Variants in GLIS3 observed in about 807,000 individuals in gnomAD.
GLIS3 encodes zinc finger protein GLIS3.
In GLIS3, 53 loss-of-function variants were observed where a neutral mutation model predicts 78.6. The observed-to-expected ratio is 0.67, with a 90% CI of 0.54 to 0.85. The LOEUF is 0.85. GLIS3 is among the 40% of genes least tolerant of loss of function. The pLI is 0.00. For synonymous variants in GLIS3, 684 were observed against 509.9 expected, an observed-to-expected ratio of 1.34 and a Z score of -4.60; for missense variants, 1,703 against 1,231.1, an observed-to-expected ratio of 1.38 and a Z score of -5.74.
chr9:4,267,631 C>G (rs1826133413), intron 2 of GLIS3, among the ~76,000 whole-genome samples: 1 of 152,160 alleles, frequency 6.6e-6, no homozygotes, highest in African/African-American at 2.4e-5. Context: ...GCTAACTCAT[C>G]CTGAAAATCA....
chr9:4,048,227 A>G (rs1825415344), intron 4 of GLIS3, among the ~76,000 whole-genome samples: 1 of 152,206 alleles, frequency 6.6e-6, no homozygotes, highest in Admixed American at 6.5e-5. Flanking sequence ...ATAATGCAAC[A>G]TTTAAATGAA....
the GLIS3 span, among the ~76,000 whole-genome samples, chr9:4,448,017 G>C: frequency 4.5e-4 from 68 of 152,250 alleles, no homozygotes; most frequent in Admixed American, 2.5e-3. Context: ...TTCCCGAAGA[G>C]TTGAGATTAC....
upstream of GLIS3, among the ~76,000 whole-genome samples, chr9:4,349,569 C>A (rs988834340): frequency 3.3e-5 from 5 of 151,946 alleles, no homozygotes; most frequent in Admixed American, 6.6e-5. Context: ...AAATACCTAA[C>A]AAAACTTTGT....
intron 2 of GLIS3, among the ~76,000 whole-genome samples, chr9:4,153,393 GTC>G (rs1834825766): frequency 6.6e-6 from 1 of 152,126 alleles, no homozygotes; most frequent in African/African-American, 2.4e-5. Flanking sequence ...TTGAAACCCT[GTC>G]TCCACTAAAA....
At chr9:3,829,097 G>T (rs1482984333) in intron 10 of GLIS3, among the ~76,000 whole-genome samples, 1 of 152,136 alleles carries the variant, frequency 6.6e-6, no homozygotes, top group Non-Finnish European at 1.5e-5. Context: ...GTCTGGGAGA[G>T]ACATGATGGC....
chr9:4,120,181 T>A (rs551566812), intron 3 of GLIS3, among the ~76,000 whole-genome samples: 1 of 152,204 alleles, frequency 6.6e-6, no homozygotes, highest in Non-Finnish European at 1.5e-5. Context: ...AGCATTTTCA[T>A]CCCACCTGTT....
chr9:3,917,966 G>A lies in GLIS3; in HGVS notation c.1983+14394C>T, dbSNP rs1186846031. On this transcript the variant is annotated intron_variant, in intron 6 of 10. Coordinates refer to ENST00000381971, the MANE Select transcript of GLIS3 (RefSeq NM_001042413.2). ...ATTGGCGGCAATTTTATGCTTTCTA[G>A]AAGGCTAGTGCTAAGAATAATTTCA... 2.0e-5 allele frequency among the ~76,000 whole-genome samples: 3 copies of A among 152,166 alleles called. No individual in the cohort carries two copies. In the East Asian group the frequency reaches 5.8e-4, roughly 29 times the overall value.
At chr9:4,396,464 T>A in the GLIS3 span, among the ~76,000 whole-genome samples, 1 of 152,192 alleles carries the variant, frequency 6.6e-6, no homozygotes, top group African/African-American at 2.4e-5. Flanking sequence ...AAACATTTCA[T>A]CATCCTCTAA....
chr9:4,220,974 G>T (rs1284887084), intron 2 of GLIS3, among the ~76,000 whole-genome samples: 1 of 152,092 alleles, frequency 6.6e-6, no homozygotes, highest in Admixed American at 6.6e-5. Context: ...TACACAGCAA[G>T]ACCCTGTCTC....
intron 2 of GLIS3, among the ~76,000 whole-genome samples, chr9:4,321,154 C>G (rs1300638106): frequency 6.6e-6 from 1 of 151,482 alleles, no homozygotes; most frequent in Non-Finnish European, 1.5e-5. Flanking sequence ...GGCGCGGTGG[C>G]TCACGCCTGT....
chr9:3,866,578 G>A (rs911162293), intron 8 of GLIS3, among the ~76,000 whole-genome samples: 1 of 152,228 alleles, frequency 6.6e-6, no homozygotes, highest in African/African-American at 2.4e-5. Flanking sequence ...GTGAGGTTCT[G>A]ATGAGAGTGG....
At chr9:4,273,190 G>C (rs1267485701) in intron 2 of GLIS3, among the ~76,000 whole-genome samples, 1 of 152,102 alleles carries the variant, frequency 6.6e-6, no homozygotes. Flanking sequence ...ATGCAGCAAG[G>C]CCTTCTTGTG....
chr9:4,192,716 G>C (rs1347063339), intron 2 of GLIS3, among the ~76,000 whole-genome samples: 1 of 151,174 alleles, frequency 6.6e-6, no homozygotes. Flanking sequence ...GAAATGATAA[G>C]AACACAGAAT....
chr9:4,258,888 C>T (rs1003040200), intron 2 of GLIS3, among the ~76,000 whole-genome samples: 6 of 152,198 alleles, frequency 3.9e-5, no homozygotes, highest in African/African-American at 1.4e-4. Flanking sequence ...ACATTCCTAA[C>T]ATGTGGCAAT....
intron 2 of GLIS3, among the ~76,000 whole-genome samples, chr9:4,163,942 C>T (rs915485627): frequency 2.6e-5 from 4 of 152,218 alleles, no homozygotes; most frequent in African/African-American, 9.6e-5. Flanking sequence ...GCCACACTGG[C>T]TATAAGCCCT....
At chr9:3,885,907 A>C (rs913978285) in intron 7 of GLIS3, among the ~76,000 whole-genome samples, 1 of 152,216 alleles carries the variant, frequency 6.6e-6, no homozygotes, top group African/African-American at 2.4e-5. Flanking sequence ...CTTAGCTATT[A>C]ATAGCAATGT....
In GLIS3 at chr9:4,286,244, T is replaced by A; in HGVS notation, c.182A>T (p.Lys61Met). The A allele has an allele frequency of 6.2e-7, 1 of 1,614,198 alleles. No homozygotes were observed. The highest frequency in any genetic ancestry group is 8.5e-7 in the Non-Finnish European group (1 of 1,180,026). Reference protein sequence around the residue: ...MASLANNLHLKMPSGGGMAPQ... With the variant: ...MASLANNLHLMMPSGGGMAPQ... ...AGCCATCCCTCCTCCTGAGGGCATC[T>A]TGAGATGGAGGTTGTTAGCAAGGCT... The change falls in exon 2 of 11, where the codon AAG (lysine) becomes ATG (methionine). Residue 61 changes from lysine to methionine, a missense_variant. Coordinates refer to ENST00000381971, the MANE Select transcript of GLIS3 (RefSeq NM_001042413.2).
At chr9:4,257,372 T>G (rs1587180371) in intron 2 of GLIS3, among the ~76,000 whole-genome samples, 1 of 152,144 alleles carries the variant, frequency 6.6e-6, no homozygotes, top group Admixed American at 6.5e-5. Context: ...AAGGTGCAGT[T>G]ATGTAAAATA....
intron 2 of GLIS3, among the ~76,000 whole-genome samples, chr9:4,208,403 G>A (rs1007560217): frequency 6.6e-6 from 1 of 152,176 alleles, no homozygotes; most frequent in Admixed American, 6.5e-5. Context: ...ATGGCAAGGG[G>A]ACTGAGCAAG....
Sources: gnomAD v4.1 joint callset for allele counts (sites outside exome capture counted in the v4.1 genomes callset) on GRCh38, gnomAD v4.1.1 for gene constraint, MANE v1.5 for transcripts, NCBI Gene and HGNC (gene_info 2026-07-23, HGNC 2026-07-21) for gene names.